The following SEMA4A variants were observed in gnomAD, a reference collection of about 807,000 sequenced individuals.
SEMA4A encodes the protein semaphorin 4A, also known as semaphorin-4A.
A neutral mutation model predicts 72.5 loss-of-function variants in SEMA4A; 52 were observed. The observed-to-expected ratio is 0.72, with a 90% CI of 0.57 to 0.90. SEMA4A has a LOEUF of 0.90. Among genes scored for constraint, SEMA4A ranks in the 40% least tolerant of loss-of-function variants. The pLI, the probability that SEMA4A is intolerant of heterozygous loss-of-function variation, is 0.00. For missense variants in SEMA4A, 926 were observed against 959.7 expected, an observed-to-expected ratio of 0.96 and a Z score of 0.46; for synonymous variants, 369 against 393.1, an observed-to-expected ratio of 0.94 and a Z score of 0.73.
chr1:156,151,301 A>AAGCC (rs1652516158), upstream of SEMA4A, among the ~76,000 whole-genome samples: 1 of 152,214 alleles, frequency 6.6e-6, no homozygotes, highest in Admixed American at 6.5e-5. Context: ...CGTGCCCACG[A>AAGCC]AGCCAGCACT....
intron 10 of SEMA4A, among the ~76,000 whole-genome samples, chr1:156,165,907 CT>C (rs71080751): frequency 9.7e-5 from 11 of 112,944 alleles, no homozygotes; most frequent in Non-Finnish European, 1.4e-4. Flanking sequence ...TTCCTATCTT[CT>C]TTTTTTTTTT....
At chr1:156,158,241 C>A in intron 4 of SEMA4A, 109 bp downstream of exon 4, 1 of 1,305,992 alleles carries the variant, frequency 7.7e-7, no homozygotes, top group Non-Finnish European at 1.1e-6. Flanking sequence ...CTTGTTTGCA[C>A]GGTTATCTCC....
intron 9 of SEMA4A, 180 bp downstream of exon 9, chr1:156,161,698 A>G (rs1019212129): frequency 4.9e-6 from 3 of 614,138 alleles, no homozygotes; most frequent in Admixed American, 3.1e-5. Flanking sequence ...TGTAAATGGG[A>G]AAAATAAGAC....
chr1:156,147,605 G>C (rs1652212646), upstream of SEMA4A, among the ~76,000 whole-genome samples: 1 of 151,922 alleles, frequency 6.6e-6, no homozygotes, highest in South Asian at 2.1e-4. Flanking sequence ...CAGGGATCTT[G>C]AGGGGCATAT....
chr1:156,152,544 C>T (rs1447959834), upstream of SEMA4A, among the ~76,000 whole-genome samples: 1 of 152,156 alleles, frequency 6.6e-6, no homozygotes, highest in Non-Finnish European at 1.5e-5. Context: ...AGGGACCTGG[C>T]AACCAGCCTC....
intron 13 of SEMA4A, 79 bp from the exon 14 acceptor site, chr1:156,175,477 T>C (rs920054648): frequency 4.2e-5 from 52 of 1,243,730 alleles, no homozygotes; most frequent in African/African-American, 7.4e-5. Flanking sequence ...TCTTCCCTAC[T>C]GCACTTCCTC....
chr1:156,162,979 C>G lies in SEMA4A; in HGVS notation c.1019C>G (p.Ala340Gly). Residue 340 changes from alanine to glycine, a missense_variant, in exon 10 of 15, where the codon GCC becomes GGC. Transcript: ENST00000368285. ...GGGACCAGGAGCTCTGCGGTTTGTG[C>G]CTTCTCTCTCTTGGACATTGAACGT... The part of the protein sequence containing the change: ...VGGTRSSAVC[A>G]FSLLDIERVF... The G allele has an allele frequency of 1.2e-6, 2 of 1,614,060 alleles. No homozygotes were observed. Among genetic ancestry groups the G allele is most frequent in the South Asian group, 2.2e-5 (2 of 91,082 alleles).
chr1:156,162,821 C>A, intron 9 of SEMA4A, 123 bp from the exon 10 acceptor site: 1 of 1,196,476 alleles, frequency 8.4e-7, no homozygotes, highest in Non-Finnish European at 1.2e-6. Flanking sequence ...GGAGTGGTAG[C>A]TGGAGGCTGG....
intron 9 of SEMA4A, 27 bp from the exon 10 acceptor site, chr1:156,162,917 G>A (rs966787021): frequency 1.2e-6 from 2 of 1,612,766 alleles, no homozygotes; most frequent in Non-Finnish European, 1.7e-6. Context: ...AGAGACCACA[G>A]ACAATGTTCC....
intron 10 of SEMA4A, among the ~76,000 whole-genome samples, chr1:156,166,973 G>C (rs1357504767): frequency 1.3e-5 from 2 of 151,372 alleles, no homozygotes; most frequent in African/African-American, 4.8e-5. Flanking sequence ...TTTCGTTTCT[G>C]CCAAACAGTC....
chr1:156,149,090 C>T (rs1321501833), upstream of SEMA4A, among the ~76,000 whole-genome samples: 1 of 151,886 alleles, frequency 6.6e-6, no homozygotes, highest in Non-Finnish European at 1.5e-5. Flanking sequence ...GCGTGAGCCA[C>T]CGCACCCAGC....
chr1:156,158,752 G>A lies in SEMA4A; in HGVS notation c.496G>A (p.Glu166Lys). The change falls in exon 6 of 15, where the codon GAG (glutamate) becomes AAG (lysine). Residue 166 changes from glutamate (E) to lysine (K), a missense_variant. Physicochemically the swap from Glu to Lys is moderately conservative, Grantham distance 56 (BLOSUM62 1). Coordinates refer to ENST00000368285, the MANE Select transcript of SEMA4A (RefSeq NM_022367.4). ...LQDSYLLPISEDKVMEGKGQS... is the reference protein window; with the variant it reads ...LQDSYLLPISKDKVMEGKGQS... ...AGATTCCTACCTGTTGCCCATCTCG[G>A]AGGACAAGGTCATGGAGGGAAAAGG... is the stretch of plus-strand genomic sequence containing the variant. 1 of 1,613,890 alleles carries A rather than the reference G, an allele frequency of 6.2e-7. No individual in the cohort carries two copies. The highest frequency in any genetic ancestry group is 8.5e-7 in the Non-Finnish European group (1 of 1,179,986).
At chr1:156,168,688 A>G (rs996487175) in intron 10 of SEMA4A, among the ~76,000 whole-genome samples, 1 of 152,126 alleles carries the variant, frequency 6.6e-6, no homozygotes, top group South Asian at 2.1e-4. Context: ...CTCTGTGTCC[A>G]TAACTAAGTC....
upstream of SEMA4A, among the ~76,000 whole-genome samples, chr1:156,151,800 C>T (rs1652553968): frequency 7.2e-6 from 1 of 139,340 alleles, no homozygotes; most frequent in African/African-American, 2.8e-5. Flanking sequence ...CGCACCACCA[C>T]ACTCCAGCCT....
chr1:156,172,427 T>C (rs943058400), intron 10 of SEMA4A, among the ~76,000 whole-genome samples: 1 of 152,208 alleles, frequency 6.6e-6, no homozygotes, highest in African/African-American at 2.4e-5. Flanking sequence ...TAAAACTTGG[T>C]ACTTGCCTAT....
chr1:156,156,284 G>A, intron 2 of SEMA4A, 130 bp from the exon 3 acceptor site: 1 of 795,418 alleles, frequency 1.3e-6, no homozygotes, highest in Admixed American at 1.9e-5. Context: ...TGGTGGAGGA[G>A]AGTGCATCTA....
rs115494245 is a variant in SEMA4A at position 156,154,531 on chromosome 1, C to T, written c.-29-19C>T. ...AAGAACTGCTCACCCAGAAAGTGCC[C>T]GGGTGCCTGTTTCCCCAGAGCTCCC... On this transcript the variant is annotated intron_variant, in intron 1 of 14. Coordinates refer to ENST00000368285, the MANE Select transcript of SEMA4A (RefSeq NM_022367.4). The T allele has an allele frequency of 1.1e-3, 1,673 of 1,589,372 alleles. 4 individuals are homozygous for T. The highest frequency in any genetic ancestry group is 1.3e-3 in the Non-Finnish European group (1,498 of 1,172,000).
At chr1:156,154,767 G>A (rs1435068194) in intron 2 of SEMA4A, 50 bp downstream of exon 2, 3 of 1,555,656 alleles carry the variant, frequency 1.9e-6, no homozygotes, top group Middle Eastern at 1.7e-4. Context: ...AGAGCTGGAG[G>A]TGGGTGGAGG....
At chr1:156,170,161 AAAT>A (rs1351422411) in intron 10 of SEMA4A, among the ~76,000 whole-genome samples, 1 of 151,742 alleles carries the variant, frequency 6.6e-6, no homozygotes, top group African/African-American at 2.4e-5. Flanking sequence ...CCATCTCTAC[AAAT>A]AATAAAAAAT....
Sources: gnomAD v4.1 joint callset for allele counts (sites outside exome capture counted in the v4.1 genomes callset) on GRCh38, gnomAD v4.1.1 for gene constraint, MANE v1.5 for transcripts, NCBI Gene and HGNC (gene_info 2026-07-23, HGNC 2026-07-21) for gene names.